DCHS2: variants seen among roughly 807,000 people sequenced by gnomAD.
The protein encoded by DCHS2 is dachsous cadherin-related 2, also known as protocadherin-23.
DCHS2 carries 142 observed loss-of-function variants against 182.4 expected under a neutral mutation model. The ratio of observed to expected loss-of-function variants is 0.78; its 90% CI spans 0.68 to 0.89. The LOEUF (loss-of-function observed/expected upper bound fraction) is 0.89, where lower values mean the gene tolerates loss of function less well. DCHS2 is among the 40% of genes least tolerant of loss of function. The pLI is 0.00. For synonymous variants in DCHS2, 1,740 were observed against 1,663.3 expected (o/e 1.05, Z -1.12); for missense variants, 4,319 against 4,198.6 (o/e 1.03, Z -0.79).
chr4:154,235,219 G>C lies in DCHS2; in HGVS notation c.9433C>G (p.Leu3145Val). The C allele has an allele frequency of 6.2e-7, 1 of 1,614,020 alleles. No homozygotes were observed. The highest frequency in any genetic ancestry group is 8.5e-7 in the Non-Finnish European group (1 of 1,179,966). ...IPRDSDQLSCLSGETDVMVTA... is the reference protein window; with the variant it reads ...IPRDSDQLSCVSGETDVMVTA... The stretch of plus-strand genomic sequence containing the variant: ...ACCATCACATCAGTTTCCCCAGATA[G>C]GCAGGAGAGCTGGTCTGAGTCCCTC... The change falls in exon 20 of 20, where the codon CTA becomes GTA. Residue 3145 changes from leucine to valine, a missense_variant. By Grantham distance (32) the Leu-to-Val change is conservative. Transcript: ENST00000357232.
At chr4:154,287,855 T>C (rs975066184) in intron 13 of DCHS2, among the ~76,000 whole-genome samples, 2 of 152,084 alleles carry the variant, frequency 1.3e-5, no homozygotes, top group Non-Finnish European at 2.9e-5. Flanking sequence ...CAAGTTATCA[T>C]CAGTTTAAAA....
chr4:154,415,228 A>G (rs1210738939), intron 1 of DCHS2, among the ~76,000 whole-genome samples: 1 of 152,272 alleles, frequency 6.6e-6, no homozygotes, highest in East Asian at 1.9e-4. Context: ...AGTATTTTCA[A>G]TCAATTACAA....
intron 16 of DCHS2, among the ~76,000 whole-genome samples, chr4:154,252,958 T>C (rs1021829366): frequency 6.6e-6 from 1 of 152,160 alleles, no homozygotes; most frequent in African/African-American, 2.4e-5. Context: ...AGTAAAAAGT[T>C]GGAAGCTAAA....
At chr4:154,249,162 G>A (rs1732226096) in intron 16 of DCHS2, among the ~76,000 whole-genome samples, 1 of 152,148 alleles carries the variant, frequency 6.6e-6, no homozygotes, top group Non-Finnish European at 1.5e-5. Flanking sequence ...CCTACAGAAT[G>A]AGAGAAAATA....
rs931572542 is a variant in DCHS2, at chr4:154,332,686, G to A, written c.3522C>T (p.Ser1174=). 1.2e-6 allele frequency: 2 copies of A among 1,614,208 alleles called. No individual in the cohort carries two copies. Among genetic ancestry groups the A allele is most frequent in the East Asian group, 4.5e-5 (2 of 44,882 alleles). The change falls in exon 5 of 20, where the codon AGC becomes AGT. Residue 1174 remains serine (S), a synonymous_variant. Coordinates refer to ENST00000357232, the MANE Select transcript of DCHS2 (RefSeq NM_001358235.2). ...IPEDGFLQNV[S]TTVIVRVWDE... ...CCCAGACACGAACAATGACTGTAGTGCTCACATTTTGCAAGAATCCGTCCT... is the reference window on the plus strand; with the variant it reads ...CCCAGACACGAACAATGACTGTAGTACTCACATTTTGCAAGAATCCGTCCT...
chr4:154,301,256 A>G (rs1445773471), intron 12 of DCHS2, among the ~76,000 whole-genome samples: 3 of 152,360 alleles, frequency 2.0e-5, no homozygotes, highest in African/African-American at 7.2e-5. Context: ...TGTCTCTGCT[A>G]TCAACCAAAT....
Position 154,321,169 on chromosome 4 carries a change from T to G in DCHS2, c.4230A>C (p.Leu1410Phe). ...RAIMSQNIRH[L>F]IIPENLKPTK... ...TGGGCTTCAAATTTTCTGGTATAAT[T>G]AAATGTCTAATATTCTGAGACATGA... Residue 1410 changes from leucine to phenylalanine, a missense_variant, in exon 9 of 20, where the codon TTA becomes TTC. Physicochemically the swap from Leu to Phe is conservative, Grantham distance 22. Coordinates refer to ENST00000357232, the MANE Select transcript of DCHS2 (RefSeq NM_001358235.2). 1 of 1,586,892 alleles carries G rather than the reference T, an allele frequency of 6.3e-7. No individual in the cohort carries two copies. Among genetic ancestry groups the G allele is most frequent in the Non-Finnish European group, 8.6e-7 (1 of 1,163,750 alleles).
rs1457010260 is a variant in DCHS2 at position 154,320,595 on chromosome 4, TC to T, written c.4803del (p.Arg1602AspfsTer3). On this transcript the variant is annotated frameshift_variant, in exon 9 of 20. Coordinates refer to ENST00000357232, the MANE Select transcript of DCHS2 (RefSeq NM_001358235.2). LOFTEE classifies it high-confidence loss of function. ...DQAVNVTDRR[L>X]RSLTAQIVIL... The stretch of plus-strand genomic sequence containing the variant: ...ATCACTATTTGTGCTGTCAGTGATC[TC>T]AGTCGCCGGTCTGTCACATTCACAG... 8.7e-6 allele frequency: 14 copies of T among 1,614,024 alleles called. No homozygotes were observed. Among genetic ancestry groups the T allele is most frequent in the Non-Finnish European group, 1.2e-5 (14 of 1,180,010 alleles).
chr4:154,384,426 C>G, intron 1 of DCHS2: 6 of 1,612,950 alleles, frequency 3.7e-6, no homozygotes, highest in Non-Finnish European at 5.1e-6. Flanking sequence ...TATAGCACCC[C>G]AGAGCTCAGT....
chr4:154,259,175 T>C (rs902029045), intron 15 of DCHS2, among the ~76,000 whole-genome samples: 8 of 152,098 alleles, frequency 5.3e-5, no homozygotes, highest in African/African-American at 1.9e-4. Context: ...ATATCCTTAT[T>C]CTATGAAGTC....
chr4:154,315,942 TGA>T lies in DCHS2; in HGVS notation c.5064_5065del (p.Gln1689AlafsTer10). On this transcript the variant is annotated frameshift_variant, in exon 10 of 20. Coordinates refer to ENST00000357232, the MANE Select transcript of DCHS2 (RefSeq NM_001358235.2). LOFTEE classifies it high-confidence loss of function. ...CAGTGCCAGAACAGTCAGAATATGC[TGA>T]GTTTTCATTTCATAATCCAAAGGAC... 6.2e-7 allele frequency: 1 copy of T among 1,614,076 alleles called. No individual in the cohort carries two copies. The highest frequency in any genetic ancestry group is 8.5e-7 in the Non-Finnish European group (1 of 1,179,986).
At chr4:154,319,225 C>T (rs1735964042) in intron 9 of DCHS2, among the ~76,000 whole-genome samples, 1 of 151,950 alleles carries the variant, frequency 6.6e-6, no homozygotes, top group African/African-American at 2.4e-5. Flanking sequence ...AAATGTAATA[C>T]CTGAAACTAT....
intron 3 of DCHS2, among the ~76,000 whole-genome samples, chr4:154,349,519 T>C (rs1199906522): frequency 6.6e-6 from 1 of 152,254 alleles, no homozygotes; most frequent in Non-Finnish European, 1.5e-5. Flanking sequence ...ACTGTGTTTC[T>C]ATGTCCCTGT....
rs1237310766 is a variant in DCHS2, at chr4:154,234,990, T to C, written c.9662A>G (p.Gln3221Arg). The C allele has an allele frequency of 6.2e-7, 1 of 1,613,958 alleles. No homozygotes were observed. Among genetic ancestry groups the C allele is most frequent in the Non-Finnish European group, 8.5e-7 (1 of 1,179,978 alleles). The change falls in exon 20 of 20, where the codon CAG (glutamine) becomes CGG (arginine). Residue 3221 changes from glutamine to arginine, a missense_variant. Coordinates refer to ENST00000357232, the MANE Select transcript of DCHS2 (RefSeq NM_001358235.2). Reference sequence around the variant, plus strand: ...TTTTCCATCATGATCAGAGGTCGTCTGAGTTGAAAGAGCTGCACACCTTAC... The same window carrying C: ...TTTTCCATCATGATCAGAGGTCGTCCGAGTTGAAAGAGCTGCACACCTTAC... ...QEVRCAALST[Q>R]TTSDHDGKDN...
At position 154,333,426 on chromosome 4, in the gene DCHS2, G is replaced by A. The variant is rs1265495823; in HGVS notation, c.2782C>T (p.Arg928Trp). The A allele has an allele frequency of 1.2e-6, 2 of 1,613,924 alleles. No individual in the cohort carries two copies. The highest frequency in any genetic ancestry group is 1.7e-6 in the Non-Finnish European group (2 of 1,180,042). The stretch of plus-strand genomic sequence containing the variant: ...TTCCGGGTGCGAATAGTGCCCAGCC[G>A]CGGGTGAATGGAGAACTTTCCGCCG... ...DLGGKFSIHPRLGTIRTRKPL... is the reference protein window; with the variant it reads ...DLGGKFSIHPWLGTIRTRKPL... Residue 928 changes from arginine to tryptophan, a missense_variant, in exon 5 of 20, where the codon CGG becomes TGG. Arg to Trp is a moderately radical substitution (Grantham distance 101). Transcript: ENST00000357232.
At chr4:154,459,196 A>T (rs934113296) in intron 1 of DCHS2, among the ~76,000 whole-genome samples, 11 of 152,124 alleles carry the variant, frequency 7.2e-5, no homozygotes, top group African/African-American at 2.7e-4. Flanking sequence ...CAGGGGAGTT[A>T]TGCTTCCTCT....
intron 1 of DCHS2, among the ~76,000 whole-genome samples, chr4:154,395,994 G>T (rs1731913837): frequency 6.6e-6 from 1 of 152,300 alleles, no homozygotes; most frequent in East Asian, 1.9e-4. Flanking sequence ...TTACCATTTT[G>T]TAGGTTAGGA....
intron 2 of DCHS2, among the ~76,000 whole-genome samples, chr4:154,370,998 A>G (rs1214228371): frequency 6.6e-6 from 1 of 152,178 alleles, no homozygotes; most frequent in Non-Finnish European, 1.5e-5. Context: ...CAGGAACAGC[A>G]TGCTTGAAGC....
intron 1 of DCHS2, among the ~76,000 whole-genome samples, chr4:154,455,443 A>G (rs1009537438): frequency 3.3e-5 from 5 of 152,244 alleles, no homozygotes; most frequent in African/African-American, 9.6e-5. Flanking sequence ...ATTTTGTGAT[A>G]TGAGTTCCCA....
Sources: allele counts gnomAD v4.1 joint callset (sites outside exome capture counted in the v4.1 genomes callset), GRCh38; gene constraint gnomAD v4.1.1; transcripts MANE v1.5; gene names NCBI Gene and HGNC (gene_info 2026-07-23, HGNC 2026-07-21).